HTR1D: variants seen among roughly 807,000 people sequenced by gnomAD.
The protein encoded by HTR1D is 5-hydroxytryptamine receptor 1D.
Under a neutral mutation model 21.1 loss-of-function variants are expected in HTR1D, and 18 were observed. The observed-to-expected ratio is 0.85, with a 90% CI of 0.59 to 1.27. HTR1D has a LOEUF of 1.27. Ranked by LOEUF, HTR1D falls within the 50% of genes most tolerant of loss-of-function variation. The pLI is 0.00. For synonymous variants in HTR1D, 196 were observed against 204.4 expected (o/e 0.96, Z 0.35); for missense variants, 456 against 481.4 (o/e 0.95, Z 0.49).
intron 1 of HTR1D, among the ~76,000 whole-genome samples, chr1:23,199,092 G>T (rs1183979830): frequency 6.6e-6 from 1 of 151,778 alleles, no homozygotes; most frequent in Non-Finnish European, 1.5e-5. Flanking sequence ...CTCCCAAAGT[G>T]CTGGGATTAT....
chr1:23,212,679 A>G (rs1487570658), intron 1 of HTR1D, among the ~76,000 whole-genome samples: 1 of 152,156 alleles, frequency 6.6e-6, no homozygotes, highest in Non-Finnish European at 1.5e-5. Context: ...AAGAATGAAT[A>G]AAAAAAGAAT....
At chr1:23,208,462 T>C (rs1383235811) in intron 1 of HTR1D, among the ~76,000 whole-genome samples, 1 of 151,950 alleles carries the variant, frequency 6.6e-6, no homozygotes, top group Non-Finnish European at 1.5e-5. Context: ...TCCCAGCTAC[T>C]TGGGAGGCTG....
Position 23,192,395 on chromosome 1 carries a change from C to T in HTR1D, c.*691G>A, listed in dbSNP as rs1041740626. The T allele has an allele frequency of 6.6e-6, 1 of 152,622 alleles. No individual in the cohort carries two copies. The highest frequency in any genetic ancestry group is 1.5e-5 in the Non-Finnish European group (1 of 68,050). The allele number at this position is 152,622 out of a possible 1,614,324, so 9.5% of individuals were successfully genotyped here. A position where few individuals can be genotyped will look rare whatever the true frequency, so the allele number is the denominator to read the frequency against. On this transcript the variant is annotated 3_prime_UTR_variant, in exon 2 of 2. Coordinates refer to ENST00000374619, the MANE Select transcript of HTR1D (RefSeq NM_000864.5). ...CAATTCAGGTCATTAATCTTATTCA[C>T]CCTCCTTTAAGCTCCATATAGATCT...
At chr1:23,205,984 C>A (rs1283768447) in intron 1 of HTR1D, among the ~76,000 whole-genome samples, 1 of 152,188 alleles carries the variant, frequency 6.6e-6, no homozygotes, top group Non-Finnish European at 1.5e-5. Context: ...CAATGGTCTC[C>A]CAGCCTCTAC....
intron 1 of HTR1D, among the ~76,000 whole-genome samples, chr1:23,196,783 T>C (rs1428949495): frequency 6.6e-6 from 1 of 152,126 alleles, no homozygotes; most frequent in Non-Finnish European, 1.5e-5. Context: ...CAAGGCCACC[T>C]GGCTGGAAGT....
rs758930213 is a variant in HTR1D at position 23,193,425 on chromosome 1, C to T, written c.795G>A (p.Ser265=). 37 of 1,614,084 alleles carry T rather than the reference C, an allele frequency of 2.3e-5. No homozygotes were observed. The East Asian group carries it at 7.8e-4, about 34-fold the overall frequency. ...SLNSSLHEGH[S]HSAGSPLFFN... Reference sequence around the variant, plus strand: ...AAAAGAGAGGGGAGCCAGCCGAGTGCGAGTGCCCCTCATGGAGGCTGGAGT... The same window carrying T: ...AAAAGAGAGGGGAGCCAGCCGAGTGTGAGTGCCCCTCATGGAGGCTGGAGT... The change falls in exon 2 of 2, where the codon TCG becomes TCA. Residue 265 remains serine (S), a synonymous_variant. Transcript: ENST00000374619.
chr1:23,196,442 CAAA>C (rs560936417), intron 1 of HTR1D, among the ~76,000 whole-genome samples: 2 of 118,458 alleles, frequency 1.7e-5, no homozygotes, highest in Admixed American at 8.6e-5. Context: ...GAAACTCTGC[CAAA>C]AAAAAAAAAA....
chr1:23,206,970 G>A (rs572278061), intron 1 of HTR1D, among the ~76,000 whole-genome samples: 2 of 152,258 alleles, frequency 1.3e-5, no homozygotes, highest in South Asian at 2.1e-4. Flanking sequence ...GCTTTGCTGC[G>A]AACTTTCTGT....
chr1:23,197,703 C>T (rs866108008), intron 1 of HTR1D, among the ~76,000 whole-genome samples: 2 of 144,986 alleles, frequency 1.4e-5, no homozygotes, highest in South Asian at 2.2e-4. Context: ...GCCTGGGCGA[C>T]AGAGCAAGAC....
At chr1:23,207,759 C>CTTTT (rs532795222) in intron 1 of HTR1D, among the ~76,000 whole-genome samples, 4 of 124,850 alleles carry the variant, frequency 3.2e-5, no homozygotes, top group Admixed American at 8.6e-5. Context: ...GCAAGAGCCT[C>CTTTT]TTTTTTTTTT....
chr1:23,197,055 C>T (rs947261486), intron 1 of HTR1D, among the ~76,000 whole-genome samples: 1 of 152,166 alleles, frequency 6.6e-6, no homozygotes, highest in Non-Finnish European at 1.5e-5. Flanking sequence ...CGTCATTTCC[C>T]AAGGAAGCCT....
chr1:23,213,494 C>CAAAACAAAACAA (rs1176647062), intron 1 of HTR1D, among the ~76,000 whole-genome samples: 1 of 151,110 alleles, frequency 6.6e-6, no homozygotes, highest in East Asian at 1.9e-4. Context: ...CAAAACAAAA[C>CAAAACAAAACAA]AAAAACAATA....
rs1039624213 is a variant in HTR1D, at chr1:23,192,286, C to G, written c.*800G>C. 6.6e-6 allele frequency: 1 copy of G among 152,586 alleles called. No homozygotes were observed. Among genetic ancestry groups the G allele is most frequent in the Non-Finnish European group, 1.5e-5 (1 of 68,044 alleles). 9.5% of individuals were successfully genotyped at this position (152,586 alleles called of 1,614,324 possible). ...TGGGAGAGATTTAATCTAAGAAAGA[C>G]TCAGTGGAAGAAACGCATGGATATT... On this transcript the variant is annotated 3_prime_UTR_variant, in exon 2 of 2. Coordinates refer to ENST00000374619, the MANE Select transcript of HTR1D (RefSeq NM_000864.5).
At position 23,193,731 on chromosome 1, in the gene HTR1D, C is replaced by T; in HGVS notation, c.489G>A (p.Trp163Ter). 6.2e-7 allele frequency: 1 copy of T among 1,614,088 alleles called. No homozygotes were observed. The highest frequency in any genetic ancestry group is 8.5e-7 in the Non-Finnish European group (1 of 1,179,982). ...GGATGGAGATGCAGATGGAGATGGC[C>T]CAGACAATGGCGATCATGGTGGCCG... ...GHAATMIAIV[W>*]AISICISIPP... Residue 163 changes from tryptophan (W) to a stop codon, truncating the protein, a stop_gained, in exon 2 of 2, where the codon TGG becomes TGA. Coordinates refer to ENST00000374619, the MANE Select transcript of HTR1D (RefSeq NM_000864.5). LOFTEE classifies it high-confidence loss of function.
In HTR1D at chr1:23,196,442, C is replaced by CAA. The variant is rs560936417; in HGVS notation, c.-782-1443_-782-1442dup. ...CTGGGCAACCAGAGTGAAACTCTGCCAAAAAAAAAAAAAAAGAAGGAGCAG... is the reference window on the plus strand; with the variant it reads ...CTGGGCAACCAGAGTGAAACTCTGCCAAAAAAAAAAAAAAAAAGAAGGAGCAG... On this transcript the variant is annotated intron_variant, in intron 1 of 1. Transcript: ENST00000374619. Among the ~76,000 whole-genome samples the CAA allele has an allele frequency of 5.7e-4, 67 of 118,472 alleles. No individual in the cohort carries two copies. In the East Asian group the frequency reaches 6.7e-3, roughly 12 times the overall value. 77.7% of individuals were successfully genotyped at this position (118,472 alleles called of 152,430 possible).
In HTR1D at chr1:23,193,815, G is replaced by A; in HGVS notation, c.405C>T (p.Asp135=). The stretch of plus-strand genomic sequence containing the variant: ...GGGCATCTGTGATTGCCCAGTACCT[G>A]TCCAGAGCAATGACACAGAGATGCA... The part of the protein sequence containing the change: ...SILHLCVIAL[D]RYWAITDALE... The change falls in exon 2 of 2, where the codon GAC becomes GAT. Residue 135 remains aspartate, a synonymous_variant. Transcript: ENST00000374619. The A allele has an allele frequency of 6.2e-7, 1 of 1,614,212 alleles. No individual in the cohort carries two copies. The highest frequency in any genetic ancestry group is 8.5e-7 in the Non-Finnish European group (1 of 1,180,034).
chr1:23,196,527 T>TA (rs960713558), intron 1 of HTR1D, among the ~76,000 whole-genome samples: 14 of 150,328 alleles, frequency 9.3e-5, no homozygotes, highest in East Asian at 7.8e-4. Flanking sequence ...GGTGCTTCAT[T>TA]AAAAAAAAAT....
At chr1:23,197,877 A>T (rs61780165) in intron 1 of HTR1D, among the ~76,000 whole-genome samples, 20,906 of 152,074 alleles carry the variant, frequency 0.14, 1,769 homozygotes, top group South Asian at 0.32. Context: ...TATTTTAAAC[A>T]AAAGAAAAAA....
chr1:23,204,601 A>T (rs980322174), intron 1 of HTR1D, among the ~76,000 whole-genome samples: 9 of 152,138 alleles, frequency 5.9e-5, no homozygotes, highest in Non-Finnish European at 8.8e-5. Context: ...CATCAAAAGG[A>T]GTATTTTTTT....
Sources: allele counts gnomAD v4.1 joint callset (sites outside exome capture counted in the v4.1 genomes callset), GRCh38; gene constraint gnomAD v4.1.1; transcripts MANE v1.5; gene names NCBI Gene and HGNC (gene_info 2026-07-23, HGNC 2026-07-21).